PRKAG2: variants seen among roughly 807,000 people sequenced by gnomAD.
PRKAG2 encodes the protein protein kinase AMP-activated non-catalytic subunit gamma 2.
In PRKAG2, 26 loss-of-function variants were observed where a neutral mutation model predicts 69.6. The observed-to-expected ratio is 0.37, with a 90% CI of 0.27 to 0.52. PRKAG2 has a LOEUF of 0.52. PRKAG2 is among the 20% of genes least tolerant of loss of function. The pLI is 0.90. For missense variants in PRKAG2, 557 were observed against 740.0 expected (o/e 0.75, Z 2.87); for synonymous variants, 293 against 285.0 (o/e 1.03, Z -0.28).
At chr7:151,765,675 AT>A (rs1364997385) in intron 3 of PRKAG2, among the ~76,000 whole-genome samples, 2 of 152,138 alleles carry the variant, frequency 1.3e-5, no homozygotes, top group African/African-American at 4.8e-5. Flanking sequence ...CCATGACCCT[AT>A]TTCCAAGTCA....
chr7:151,847,716 G>A (rs1345374903), intron 1 of PRKAG2, among the ~76,000 whole-genome samples: 1 of 152,234 alleles, frequency 6.6e-6, no homozygotes, highest in Non-Finnish European at 1.5e-5. Context: ...CTCCCAGCCT[G>A]GGCACCTGAG....
chr7:151,867,073 C>T (rs2080097730), intron 1 of PRKAG2, among the ~76,000 whole-genome samples: 1 of 152,160 alleles, frequency 6.6e-6, no homozygotes, highest in Non-Finnish European at 1.5e-5. Flanking sequence ...AGGAAAGACC[C>T]AGACCTTGGA....
intron 3 of PRKAG2, among the ~76,000 whole-genome samples, chr7:151,758,153 T>C (rs930161427): frequency 2.0e-5 from 3 of 151,114 alleles, no homozygotes; most frequent in African/African-American, 4.9e-5. Flanking sequence ...TTTTTTTTTT[T>C]CTAGTAGGAC....
Position 151,807,767 on chromosome 7 carries a change from C to A in PRKAG2, c.115-21226G>T. 2.7e-6 allele frequency: 1 copy of A among 367,884 alleles called. No individual in the cohort carries two copies. Among genetic ancestry groups the A allele is most frequent in the Non-Finnish European group, 5.4e-6 (1 of 183,578 alleles). 22.8% of individuals were successfully genotyped at this position (367,884 alleles called of 1,614,324 possible). ...CGAGAACTCGTGCATCCGAACCCTT[C>A]TCTGACTTGGCGGGTTATTGGATTA... is the stretch of plus-strand genomic sequence containing the variant. On this transcript the variant is annotated intron_variant, in intron 1 of 15. Transcript: ENST00000287878. The surrounding 1 kb of genome is among the most constrained non-coding windows in gnomAD (Gnocchi z 4.4).
intron 4 of PRKAG2, among the ~76,000 whole-genome samples, chr7:151,659,558 C>A (rs961817633): frequency 6.6e-6 from 1 of 152,202 alleles, no homozygotes; most frequent in African/African-American, 2.4e-5. Flanking sequence ...GGTGACCGGG[C>A]AGACAGATGC....
intron 3 of PRKAG2, among the ~76,000 whole-genome samples, chr7:151,732,548 T>C: frequency 6.6e-6 from 1 of 152,220 alleles, no homozygotes; most frequent in African/African-American, 2.4e-5. Flanking sequence ...GGAGCAACCC[T>C]GGGCTGGAAC....
At chr7:151,809,622 A>T (rs2078312248) in intron 1 of PRKAG2, 1 of 174,352 alleles carries the variant, frequency 5.7e-6, no homozygotes, top group Non-Finnish European at 1.2e-5. Context: ...GCCCAAATCA[A>T]GCACCGTTTA....
chr7:151,806,316 A>G (rs1317573547), intron 1 of PRKAG2, among the ~76,000 whole-genome samples: 1 of 152,246 alleles, frequency 6.6e-6, no homozygotes, highest in Non-Finnish European at 1.5e-5. Context: ...TTATTAAAAG[A>G]AAAAAGAAAA....
intron 5 of PRKAG2, among the ~76,000 whole-genome samples, chr7:151,600,796 C>T (rs1365962197): frequency 6.6e-6 from 1 of 152,198 alleles, no homozygotes; most frequent in African/African-American, 2.4e-5. Context: ...CAATTTCAAT[C>T]CAACCTCAAC....
At chr7:151,597,776 A>G (rs1466630148) in intron 5 of PRKAG2, among the ~76,000 whole-genome samples, 1 of 151,038 alleles carries the variant, frequency 6.6e-6, no homozygotes. Flanking sequence ...ACAAAACAAA[A>G]CAAAACAAAA....
chr7:151,695,441 T>C (rs964065834), intron 3 of PRKAG2, among the ~76,000 whole-genome samples: 4 of 152,008 alleles, frequency 2.6e-5, no homozygotes, highest in East Asian at 1.9e-4. Flanking sequence ...CAGCCAGAAG[T>C]AGGCATTTGT....
chr7:151,720,643 G>A (rs962369067), intron 3 of PRKAG2, among the ~76,000 whole-genome samples: 1 of 117,302 alleles, frequency 8.5e-6, no homozygotes, highest in African/African-American at 3.3e-5. Flanking sequence ...GACAGAGGGG[G>A]ATGAAGGAGG....
chr7:151,818,523 C>T (rs2078698494), intron 1 of PRKAG2, among the ~76,000 whole-genome samples: 1 of 152,238 alleles, frequency 6.6e-6, no homozygotes, highest in African/African-American at 2.4e-5. Flanking sequence ...ACCAGGCCGG[C>T]AGGGCAGCTT....
At chr7:151,643,049 C>G (rs1286527813) in intron 4 of PRKAG2, among the ~76,000 whole-genome samples, 4 of 152,142 alleles carry the variant, frequency 2.6e-5, no homozygotes, top group Non-Finnish European at 5.9e-5. Context: ...GCCTTGCTAC[C>G]CTTCAAATTC....
chr7:151,560,372 C>T (rs779618605), intron 15 of PRKAG2, 152 bp downstream of exon 15: 157 of 1,547,942 alleles, frequency 1.0e-4, no homozygotes, highest in Non-Finnish European at 1.9e-5. Flanking sequence ...AACTTCCCAA[C>T]TGAAGAGAAA....
rs112394946 is a variant in PRKAG2 at position 151,822,411 on chromosome 7, T to C, written c.115-35870A>G. On this transcript the variant is annotated intron_variant, in intron 1 of 15. Coordinates refer to ENST00000287878, the MANE Select transcript of PRKAG2 (RefSeq NM_016203.4). ...TGACCACGATGTACCCAGCGCTGCC[T>C]GGGTGAAGGCGCTGTGGGAGTAAAA... Among the ~76,000 whole-genome samples the C allele has an allele frequency of 7.1e-4, 108 of 152,256 alleles. No individual in the cohort carries two copies. The Middle Eastern group carries it at 0.014, about 19-fold the overall frequency.
At chr7:151,700,663 G>T (rs1042446801) in intron 3 of PRKAG2, among the ~76,000 whole-genome samples, 1 of 152,176 alleles carries the variant, frequency 6.6e-6, no homozygotes, top group Non-Finnish European at 1.5e-5. Flanking sequence ...GCCACCTGCT[G>T]TAGGAGATCA....
chr7:151,602,736 C>T (rs1472964743), intron 5 of PRKAG2, among the ~76,000 whole-genome samples: 2 of 152,180 alleles, frequency 1.3e-5, no homozygotes, highest in East Asian at 3.9e-4. Flanking sequence ...ATAATCCCCA[C>T]GTGCCAAGGG....
chr7:151,845,831 C>T (rs1281828470), intron 1 of PRKAG2, among the ~76,000 whole-genome samples: 1 of 152,230 alleles, frequency 6.6e-6, no homozygotes, highest in Non-Finnish European at 1.5e-5. Context: ...ATCGGAGCCA[C>T]CAGGAATAAT....
Sources: allele counts gnomAD v4.1 joint callset (sites outside exome capture counted in the v4.1 genomes callset), GRCh38; gene constraint gnomAD v4.1.1; non-coding constraint Gnocchi (gnomAD v3.1); transcripts MANE v1.5; gene names NCBI Gene and HGNC (gene_info 2026-07-23, HGNC 2026-07-21).